KTN1: variants seen among roughly 807,000 people sequenced by gnomAD.
KTN1 encodes kinectin 1, also known as kinectin.
KTN1 carries 130 observed loss-of-function variants against 222.5 expected under a neutral mutation model. The ratio of observed to expected loss-of-function variants is 0.58; its 90% CI spans 0.51 to 0.68. The LOEUF is 0.68. Among genes scored for constraint, KTN1 ranks in the 30% least tolerant of loss-of-function variants. The probability of loss-of-function intolerance (pLI) is 0.00; values close to 1 mark genes in which losing one functional copy is unlikely to be tolerated. For synonymous variants in KTN1, 512 were observed against 496.3 expected (o/e 1.03, Z -0.42); for missense variants, 1,508 against 1,500.4 (o/e 1.01, Z -0.08).
chr14:55,614,876 T>C (rs2038122665), intron 2 of KTN1, among the ~76,000 whole-genome samples: 2 of 152,284 alleles, frequency 1.3e-5, no homozygotes, highest in African/African-American at 2.4e-5. Flanking sequence ...TAGATGTGAA[T>C]TGAGAAGAGA....
Position 55,636,477 on chromosome 14 carries a change from G to A in KTN1, c.1490G>A (p.Trp497Ter). 6.2e-7 allele frequency: 1 copy of A among 1,611,032 alleles called. No homozygotes were observed. The highest frequency in any genetic ancestry group is 8.5e-7 in the Non-Finnish European group (1 of 1,178,436). ...KVQLQEAERRWEEVQSYIRKR... is the reference protein window; with the variant it reads ...KVQLQEAERR ...CAACTACAAGAAGCTGAGAGAAGGT[G>A]GGAAGAAGTTCAGAGCTACATCAGG... The change falls in exon 10 of 44, where the codon TGG (tryptophan) becomes TAG (stop). Residue 497 changes from tryptophan to a stop codon, truncating the protein, a stop_gained. Coordinates refer to ENST00000395314, the MANE Select transcript of KTN1 (RefSeq NM_001079521.2). LOFTEE classifies it high-confidence loss of function.
chr14:55,670,897 A>G, intron 35 of KTN1, 88 bp downstream of exon 35: 1 of 831,648 alleles, frequency 1.2e-6, no homozygotes, highest in Non-Finnish European at 1.9e-6. Context: ...GAAAAGATAA[A>G]AGATAATCGA....
chr14:55,629,711 G>C (rs75555677), intron 6 of KTN1, among the ~76,000 whole-genome samples: 1 of 152,170 alleles, frequency 6.6e-6, no homozygotes, highest in African/African-American at 2.4e-5. Context: ...AAACTAGAAA[G>C]TGCATTTGAA....
At chr14:55,644,986 G>T (rs1352791168) in intron 18 of KTN1, among the ~76,000 whole-genome samples, 5 of 152,082 alleles carry the variant, frequency 3.3e-5, no homozygotes, top group African/African-American at 4.8e-5. Context: ...ACATGCTGAG[G>T]TTGCAGAGAT....
intron 7 of KTN1, among the ~76,000 whole-genome samples, chr14:55,631,533 G>T (rs1307302404): frequency 6.6e-6 from 1 of 151,916 alleles, no homozygotes; most frequent in Non-Finnish European, 1.5e-5. Context: ...CGTGGCTCAT[G>T]TCTGTAATCC....
In KTN1 at chr14:55,603,901, C is replaced by T. The variant is rs576151625; in HGVS notation, c.-30-8118C>T. Among the ~76,000 whole-genome samples the T allele has an allele frequency of 9.7e-4, 147 of 152,288 alleles. 1 individual carries two copies. Among genetic ancestry groups the T allele is most frequent in the Non-Finnish European group, 1.6e-3 (111 of 68,020 alleles). ...TTGCCTTTGGCTTTGTTTATTCTCT[C>T]GTACCCCACATCCAGTCCATCAACA... On this transcript the variant is annotated intron_variant, in intron 1 of 43. Coordinates refer to ENST00000395314, the MANE Select transcript of KTN1 (RefSeq NM_001079521.2).
Position 55,618,027 on chromosome 14 carries a change from C to T in KTN1, c.725C>T (p.Ser242Leu). ...ATTCCTTTGATGGATAATGCTGACT[C>T]AAGTCCTGTGGTAGATAAGAGAGAG... The part of the protein sequence containing the change: ...TYIPLMDNAD[S>L]SPVVDKREVI... Residue 242 changes from serine (S) to leucine (L), a missense_variant, in exon 4 of 44, where the codon TCA (serine) becomes TTA (leucine). Coordinates refer to ENST00000395314, the MANE Select transcript of KTN1 (RefSeq NM_001079521.2). 6.2e-7 allele frequency: 1 copy of T among 1,612,414 alleles called. No individual in the cohort carries two copies. Among genetic ancestry groups the T allele is most frequent in the Non-Finnish European group, 8.5e-7 (1 of 1,178,784 alleles).
intron 1 of KTN1, among the ~76,000 whole-genome samples, chr14:55,584,657 C>T (rs1199292629): frequency 6.6e-6 from 1 of 152,168 alleles, no homozygotes; most frequent in African/African-American, 2.4e-5. Flanking sequence ...GCATTTGTCA[C>T]CTTCTGTCAT....
chr14:55,607,628 C>G (rs138946666), intron 1 of KTN1, among the ~76,000 whole-genome samples: 77 of 152,300 alleles, frequency 5.1e-4, no homozygotes, highest in African/African-American at 1.7e-3. Context: ...TCCTGGTTCT[C>G]TTGACAGAGA....
rs1038444017 is a variant in KTN1, at chr14:55,619,262, G to A, written c.913G>A (p.Val305Ile). ...MFSEDEALCVVDLLKEKSGVI... is the reference protein window; with the variant it reads ...MFSEDEALCVIDLLKEKSGVI... Reference sequence around the variant, plus strand: ...TTCTGAAGATGAGGCTCTTTGTGTTGTAGACTTGCTAAAGGAGAAGTCTGG... The same window carrying A: ...TTCTGAAGATGAGGCTCTTTGTGTTATAGACTTGCTAAAGGAGAAGTCTGG... The change falls in exon 5 of 44, where the codon GTA becomes ATA. Residue 305 changes from valine (V) to isoleucine (I), a missense_variant. By Grantham distance (29) the Val-to-Ile change is conservative (BLOSUM62 3). Coordinates refer to ENST00000395314, the MANE Select transcript of KTN1 (RefSeq NM_001079521.2). 10 of 1,612,942 alleles carry A rather than the reference G, an allele frequency of 6.2e-6. No individual in the cohort carries two copies. Among genetic ancestry groups the A allele is most frequent in the Non-Finnish European group, 8.5e-6 (10 of 1,179,258 alleles).
chr14:55,641,396 G>A (rs1200611656), intron 17 of KTN1, among the ~76,000 whole-genome samples, 188 bp downstream of exon 17: 3 of 152,012 alleles, frequency 2.0e-5, no homozygotes, highest in African/African-American at 2.4e-5. Context: ...TGTTCTTTTA[G>A]TGGAGCTTGG....
At chr14:55,629,609 A>G (rs967568475) in intron 6 of KTN1, among the ~76,000 whole-genome samples, 2 of 152,118 alleles carry the variant, frequency 1.3e-5, no homozygotes, top group Non-Finnish European at 2.9e-5. Context: ...TGGGAATGAT[A>G]GAGAATGAAC....
chr14:55,609,049 A>C (rs1292079905), intron 1 of KTN1, among the ~76,000 whole-genome samples: 1 of 151,962 alleles, frequency 6.6e-6, no homozygotes, highest in Non-Finnish European at 1.5e-5. Flanking sequence ...AAAAAAAAAA[A>C]AACAGGATAC....
intron 7 of KTN1, among the ~76,000 whole-genome samples, chr14:55,631,282 G>C (rs1462942562): frequency 1.4e-5 from 2 of 146,418 alleles, no homozygotes. Flanking sequence ...CTTCAATTTG[G>C]AAGGTCTGTC....
chr14:55,581,893 CT>C (rs199963122), intron 1 of KTN1, among the ~76,000 whole-genome samples: 1,546 of 143,990 alleles, frequency 0.011, 18 homozygotes, highest in Middle Eastern at 0.039. Context: ...AAAAAAGGCT[CT>C]TTTTTTTTTT....
At chr14:55,628,449 T>C (rs2040118597) in intron 6 of KTN1, among the ~76,000 whole-genome samples, 1 of 152,222 alleles carries the variant, frequency 6.6e-6, no homozygotes, top group Non-Finnish European at 1.5e-5. Context: ...TTTGTCAAGT[T>C]CTTCACATCT....
chr14:55,596,154 C>CAAAAAAAAAAAAAAAAAAAAAAAAA (rs71448460), intron 1 of KTN1, among the ~76,000 whole-genome samples: 3 of 61,106 alleles, frequency 4.9e-5, no homozygotes, highest in African/African-American at 6.8e-5. Flanking sequence ...GACTCAATAG[C>CAAAAAAAAAAAAAAAAAAAAAAAAA]AAAAAAAAAA....
At chr14:55,646,004 G>A (rs535897443) in intron 18 of KTN1, among the ~76,000 whole-genome samples, 7 of 152,296 alleles carry the variant, frequency 4.6e-5, no homozygotes, top group Admixed American at 4.6e-4. Flanking sequence ...TGTTCTAGGA[G>A]AAAGACCCTA....
At chr14:55,647,975 A>G in intron 19 of KTN1, 50 bp from the exon 20 acceptor site, 1 of 645,098 alleles carries the variant, frequency 1.6e-6, no homozygotes, top group Non-Finnish European at 2.4e-6. Flanking sequence ...TAATAATATC[A>G]TTAACTTTGA....
Sources: allele counts gnomAD v4.1 joint callset (sites outside exome capture counted in the v4.1 genomes callset), GRCh38; gene constraint gnomAD v4.1.1; transcripts MANE v1.5; gene names NCBI Gene and HGNC (gene_info 2026-07-23, HGNC 2026-07-21).